Variants in PNPLA1 observed in about 807,000 individuals in gnomAD.
PNPLA1 encodes the protein omega-hydroxyceramide transacylase.
PNPLA1 carries 36 observed loss-of-function variants against 51.7 expected under a neutral mutation model. The ratio of observed to expected loss-of-function variants is 0.70; its 90% confidence interval spans 0.53 to 0.92. The LOEUF (loss-of-function observed/expected upper bound fraction) is 0.92. Ranked by LOEUF, PNPLA1 falls within the 40% of genes least tolerant of loss-of-function variation. The pLI is 0.00. For missense variants in PNPLA1, 658 were observed against 682.5 expected, an observed-to-expected ratio of 0.96 and a Z score of 0.40; for synonymous variants, 293 against 280.1, an observed-to-expected ratio of 1.05 and a Z score of -0.46.
intron 1 of PNPLA1, among the ~76,000 whole-genome samples, chr6:36,264,953 A>G (rs57697716): frequency 0.034 from 5,112 of 152,052 alleles, 121 homozygotes; most frequent in East Asian, 0.11. Flanking sequence ...AAACACTTCT[A>G]CCCCCACCAT....
At chr6:36,272,757 C>T (rs933743032) in intron 1 of PNPLA1, among the ~76,000 whole-genome samples, 1 of 152,160 alleles carries the variant, frequency 6.6e-6, no homozygotes, top group African/African-American at 2.4e-5. Context: ...ATAATAGCCC[C>T]CTCCCAGCCC....
intron 1 of PNPLA1, among the ~76,000 whole-genome samples, chr6:36,286,569 A>C (rs1180903958): frequency 8.8e-6 from 1 of 114,054 alleles, no homozygotes; most frequent in African/African-American, 4.9e-5. Flanking sequence ...CCCTGTCTCT[A>C]AAAAAAAAAA....
At chr6:36,252,902 C>T (rs918024981) in intron 1 of PNPLA1, among the ~76,000 whole-genome samples, 48 of 152,288 alleles carry the variant, frequency 3.2e-4, no homozygotes, top group Middle Eastern at 3.4e-3. Flanking sequence ...AATAGAGGGC[C>T]GGGCGTGGTG....
chr6:36,302,229 A>C lies in PNPLA1; in HGVS notation c.1144A>C (p.Ser382Arg), dbSNP rs1013356400. The part of the protein sequence containing the change: ...VSFPAVHKPP[S>R]STPGSSLPTP... ...ATTCCCAGCTGTGCACAAGCCACCC[A>C]GCTCCACACCTGGTTCATCACTGCC... is the stretch of plus-strand genomic sequence containing the variant. Residue 382 changes from serine to arginine, a missense_variant, in exon 6 of 9, where the codon AGC becomes CGC. By Grantham distance (110) the Ser-to-Arg change is moderately radical. Transcript: ENST00000636260. 4 of 1,614,032 alleles carry C rather than the reference A, an allele frequency of 2.5e-6. No individual in the cohort carries two copies. The African/African-American group carries it at 5.3e-5, about 22-fold the overall frequency.
chr6:36,288,025 C>T (rs1260069147), intron 1 of PNPLA1, among the ~76,000 whole-genome samples: 1 of 152,166 alleles, frequency 6.6e-6, no homozygotes, highest in East Asian at 1.9e-4. Context: ...TTGTTCCTGT[C>T]ACCCAACCCT....
intron 1 of PNPLA1, among the ~76,000 whole-genome samples, chr6:36,287,616 G>T (rs2127341003): frequency 6.6e-6 from 1 of 152,256 alleles, no homozygotes; most frequent in East Asian, 1.9e-4. Flanking sequence ...CAATTGCTGT[G>T]CTTAACACTT....
At chr6:36,288,614 G>A (rs929571565) in intron 1 of PNPLA1, among the ~76,000 whole-genome samples, 20 of 151,428 alleles carry the variant, frequency 1.3e-4, no homozygotes, top group East Asian at 5.9e-4. Context: ...CACCGCGCCC[G>A]GCTAATTTTT....
chr6:36,300,178 TGAGAGAGAGAGAGAGAGA>T lies in PNPLA1; in HGVS notation c.776-1662_776-1645del, dbSNP rs71548136. On this transcript the variant is annotated intron_variant, in intron 5 of 8. Coordinates refer to ENST00000636260, the MANE Select transcript of PNPLA1 (RefSeq NM_001374623.1). The stretch of plus-strand genomic sequence containing the variant: ...TCTTATTCTTGTGTGTGTGTGTGTG[TGAGAGAGAGAGAGAGAGA>T]GAGAGAGAGAGAGAGAGAGACAGAG... Among the ~76,000 whole-genome samples the T allele has an allele frequency of 5.0e-4, 49 of 98,142 alleles. 1 individual carries two copies. The South Asian group carries it at 0.013, about 26-fold the overall frequency. The allele number at this position is 98,142 out of a possible 152,430, so 64.4% of individuals were successfully genotyped here. A position where few individuals can be genotyped will look rare whatever the true frequency, so the allele number is the denominator to read the frequency against.
chr6:36,295,097 G>C (rs1770816032), intron 4 of PNPLA1, among the ~76,000 whole-genome samples: 3 of 152,178 alleles, frequency 2.0e-5, no homozygotes, highest in African/African-American at 7.2e-5. Flanking sequence ...TCTGCCATGA[G>C]CACCCCACAC....
Position 36,291,341 on chromosome 6 carries a change from A to C in PNPLA1, c.227A>C (p.Asn76Thr). Reference sequence around the variant, plus strand: ...GCAGATGAGTATCTCAGAGTCCTCAACGTGGGTGTGGCCGAGGTGAAGAAA... The same window carrying C: ...GCAGATGAGTATCTCAGAGTCCTCACCGTGGGTGTGGCCGAGGTGAAGAAA... ...IEMDEYLRVL[N>T]VGVAEVKKSF... Residue 76 changes from asparagine (N) to threonine (T), a missense_variant, in exon 2 of 9, where the codon AAC (asparagine) becomes ACC (threonine). Physicochemically the swap from Asn to Thr is moderately conservative, Grantham distance 65 (BLOSUM62 0). Transcript: ENST00000636260. 6.2e-7 allele frequency: 1 copy of C among 1,614,116 alleles called. No individual in the cohort carries two copies. The highest frequency in any genetic ancestry group is 8.5e-7 in the Non-Finnish European group (1 of 1,180,010).
intron 5 of PNPLA1, among the ~76,000 whole-genome samples, chr6:36,301,399 C>T (rs1432028326): frequency 6.6e-6 from 1 of 151,914 alleles, no homozygotes; most frequent in African/African-American, 2.4e-5. Context: ...GCCTCCTCAG[C>T]CTCCTCCCCC....
intron 5 of PNPLA1, among the ~76,000 whole-genome samples, chr6:36,299,571 T>A (rs1770967942): frequency 6.6e-6 from 1 of 152,156 alleles, no homozygotes. Flanking sequence ...CTTGACCTCG[T>A]GATCCACCCG....
intron 1 of PNPLA1, among the ~76,000 whole-genome samples, chr6:36,258,299 A>C (rs182531182): frequency 6.6e-6 from 1 of 152,252 alleles, no homozygotes; most frequent in East Asian, 1.9e-4. Context: ...CTGTGTAGTC[A>C]CCAGAGCTCT....
upstream of PNPLA1, among the ~76,000 whole-genome samples, chr6:36,267,537 T>C (rs1291775282): frequency 6.6e-6 from 1 of 152,076 alleles, no homozygotes; most frequent in Non-Finnish European, 1.5e-5. Flanking sequence ...TCCAAGCAGG[T>C]GGGGACAACG....
At chr6:36,286,261 G>T (rs538248741) in intron 1 of PNPLA1, among the ~76,000 whole-genome samples, 44 of 152,334 alleles carry the variant, frequency 2.9e-4, no homozygotes, top group Middle Eastern at 3.4e-3. Context: ...GCTGGGATTT[G>T]AACCAAATCT....
At chr6:36,277,750 G>C (rs1770151600) in intron 1 of PNPLA1, among the ~76,000 whole-genome samples, 1 of 152,218 alleles carries the variant, frequency 6.6e-6, no homozygotes, top group African/African-American at 2.4e-5. Context: ...TATAGTCCCA[G>C]CTACTCAGGA....
At chr6:36,288,123 G>T (rs1770559903) in intron 1 of PNPLA1, among the ~76,000 whole-genome samples, 1 of 152,262 alleles carries the variant, frequency 6.6e-6, no homozygotes, top group Middle Eastern at 3.4e-3. Context: ...AAATATGCGT[G>T]CCTTTGACCT....
intron 1 of PNPLA1, among the ~76,000 whole-genome samples, chr6:36,288,484 C>T (rs1277711032): frequency 4.8e-5 from 7 of 144,596 alleles, no homozygotes; most frequent in Admixed American, 2.9e-4. Flanking sequence ...CTCGCTCTGT[C>T]GCCCAGGCCG....
At chr6:36,306,579 A>G (rs1771244564) in intron 7 of PNPLA1, among the ~76,000 whole-genome samples, 1 of 152,144 alleles carries the variant, frequency 6.6e-6, no homozygotes. Flanking sequence ...GTGGGGAAGG[A>G]GCCTGTCCGT....
Sources: gnomAD v4.1 joint callset for allele counts (sites outside exome capture counted in the v4.1 genomes callset) on GRCh38, gnomAD v4.1.1 for gene constraint, MANE v1.5 for transcripts, NCBI Gene and HGNC (gene_info 2026-07-23, HGNC 2026-07-21) for gene names.